Variants in HAT1 observed in about 807,000 individuals in gnomAD.
HAT1 encodes histone acetyltransferase 1, also known as histone acetyltransferase type B catalytic subunit.
In HAT1, 20 loss-of-function variants were observed where a neutral mutation model predicts 56.6. The observed-to-expected ratio is 0.35, with a 90% confidence interval of 0.25 to 0.51. HAT1 has a LOEUF of 0.51. HAT1 is among the 20% of genes least tolerant of loss of function. HAT1 has a pLI of 0.95. For missense variants in HAT1, 408 were observed against 504.3 expected, an observed-to-expected ratio of 0.81 and a Z score of 1.83; for synonymous variants, 146 against 165.5, an observed-to-expected ratio of 0.88 and a Z score of 0.91.
intron 4 of HAT1, among the ~76,000 whole-genome samples, chr2:171,961,709 G>A (rs1239142117): frequency 1.1e-4 from 16 of 152,136 alleles, no homozygotes; most frequent in Admixed American, 1.0e-3. Flanking sequence ...AGTTTATCTT[G>A]TTTAGTTCAA....
chr2:171,953,084 C>G (rs1007520896), intron 4 of HAT1, 83 bp downstream of exon 4: 1 of 817,916 alleles, frequency 1.2e-6, no homozygotes, highest in Non-Finnish European at 1.8e-6. Context: ...GTGGCTCACA[C>G]CTGTAACCCC....
At chr2:171,971,428 C>T (rs1399535527) in intron 8 of HAT1, among the ~76,000 whole-genome samples, 3 of 152,154 alleles carry the variant, frequency 2.0e-5, no homozygotes, top group Non-Finnish European at 4.4e-5. Context: ...TCCCTACACC[C>T]GACGTCCATT....
chr2:171,943,279 C>T (rs552804342), intron 2 of HAT1, among the ~76,000 whole-genome samples: 5 of 150,252 alleles, frequency 3.3e-5, no homozygotes, highest in East Asian at 2.0e-4. Flanking sequence ...TTTTGGGTGG[C>T]GGGTGCCTGT....
intron 2 of HAT1, among the ~76,000 whole-genome samples, chr2:171,927,348 T>G (rs550178010): frequency 6.6e-6 from 1 of 152,348 alleles, no homozygotes; most frequent in South Asian, 2.1e-4. Context: ...AATATGGAGT[T>G]AAATATCAGT....
At chr2:171,930,099 A>AT (rs1686702187) in intron 2 of HAT1, among the ~76,000 whole-genome samples, 1 of 152,130 alleles carries the variant, frequency 6.6e-6, no homozygotes, top group South Asian at 2.1e-4. Context: ...TCTTGCATGT[A>AT]TTTTGTTAAA....
At chr2:171,927,705 A>G (rs967085470) in intron 2 of HAT1, among the ~76,000 whole-genome samples, 2 of 152,180 alleles carry the variant, frequency 1.3e-5, no homozygotes, top group Non-Finnish European at 2.9e-5. Context: ...CTTGTGCCTC[A>G]GCCTCCGTAG....
chr2:171,955,382 C>T (rs976072917), intron 4 of HAT1, among the ~76,000 whole-genome samples: 3 of 152,104 alleles, frequency 2.0e-5, no homozygotes, highest in South Asian at 2.1e-4. Context: ...AAGGCCAAGG[C>T]GGGAGGATCA....
chr2:171,935,704 C>G (rs1413178076), intron 2 of HAT1, among the ~76,000 whole-genome samples: 3 of 151,510 alleles, frequency 2.0e-5, no homozygotes, highest in Admixed American at 6.6e-5. Flanking sequence ...TAGGGAGACC[C>G]CATTTCTACA....
chr2:171,977,543 ATATATATATATATATTTTTTTTTT>A (rs1688010337), intron 9 of HAT1, among the ~76,000 whole-genome samples: 1 of 13,846 alleles, frequency 7.2e-5, no homozygotes, highest in Non-Finnish European at 1.3e-4. Context: ...ATATATATAT[ATATATATATATATATTTTTTTTTT>A]TTTTTTTTTT....
At chr2:171,935,492 G>A (rs1412437559) in intron 2 of HAT1, among the ~76,000 whole-genome samples, 1 of 116,004 alleles carries the variant, frequency 8.6e-6, no homozygotes, top group Non-Finnish European at 1.6e-5. Flanking sequence ...TCCAGCCTGG[G>A]CAACAAGAGC....
chr2:171,936,136 A>G (rs1686868175), intron 2 of HAT1, among the ~76,000 whole-genome samples: 1 of 152,182 alleles, frequency 6.6e-6, no homozygotes, highest in East Asian at 1.9e-4. Context: ...AGTTACCAAG[A>G]TTTAAGTCAG....
chr2:171,973,011 CT>C (rs1407951625), intron 8 of HAT1, among the ~76,000 whole-genome samples: 5 of 152,156 alleles, frequency 3.3e-5, no homozygotes, highest in Admixed American at 6.5e-5. Context: ...TGTCAATGAG[CT>C]GTTCTGTGCC....
At chr2:171,940,400 T>C (rs939612833) in intron 2 of HAT1, among the ~76,000 whole-genome samples, 1 of 152,198 alleles carries the variant, frequency 6.6e-6, no homozygotes, top group African/African-American at 2.4e-5. Context: ...GCTATTTCAT[T>C]AGTTCTTCTA....
Position 171,931,427 on chromosome 2 carries a change from C to T in HAT1, c.112+5786C>T, listed in dbSNP as rs149817213. Among the ~76,000 whole-genome samples the T allele has an allele frequency of 1.5e-3, 225 of 151,650 alleles. 1 individual carries two copies. The highest frequency in any genetic ancestry group is 5.2e-3 in the African/African-American group (213 of 41,338). On this transcript the variant is annotated intron_variant, in intron 2 of 10. Transcript: ENST00000264108. ...CCATATAGCCGGGCATGGTGGCTCA[C>T]GCCTGTAATACCAGCACTTTGGGAG... is the stretch of plus-strand genomic sequence containing the variant.
At chr2:171,966,971 A>G (rs370660433) in intron 8 of HAT1, 22 bp downstream of exon 8, 76 of 997,356 alleles carry the variant, frequency 7.6e-5, no homozygotes, top group Non-Finnish European at 1.1e-4. Context: ...TTGATTTGTT[A>G]CTGAAAGAGC....
intron 2 of HAT1, among the ~76,000 whole-genome samples, chr2:171,932,510 A>G (rs751928703): frequency 3.9e-5 from 6 of 152,010 alleles, no homozygotes; most frequent in Non-Finnish European, 8.8e-5. Flanking sequence ...CTTTTAAAGT[A>G]TTTCTCTATT....
rs749131771 is a variant in HAT1, at chr2:171,946,759, A to T, written c.164A>T (p.Tyr55Phe). The T allele has an allele frequency of 6.4e-7, 1 of 1,566,080 alleles. No individual in the cohort carries two copies. The highest frequency in any genetic ancestry group is 1.2e-5 in the South Asian group (1 of 86,852). The change falls in exon 3 of 11, where the codon TAT (tyrosine) becomes TTT (phenylalanine). Residue 55 changes from tyrosine (Y) to phenylalanine (F), a missense_variant. By Grantham distance (22) the Tyr-to-Phe change is conservative (BLOSUM62 3). Transcript: ENST00000264108. ...ENDIRTFFPE[Y>F]THQLFGDDET... ...GACATTAGAACTTTCTTTCCTGAGT[A>T]TACCCATCAACTCTTTGGGGATGAG...
At chr2:171,955,345 C>T (rs1644262302) in intron 4 of HAT1, among the ~76,000 whole-genome samples, 2 of 152,306 alleles carry the variant, frequency 1.3e-5, no homozygotes, top group Middle Eastern at 3.4e-3. Flanking sequence ...GGCGCAGTGG[C>T]TCATGCCTGT....
intron 2 of HAT1, among the ~76,000 whole-genome samples, chr2:171,945,497 A>AC (rs1472662493): frequency 8.9e-6 from 1 of 111,952 alleles, no homozygotes; most frequent in Non-Finnish European, 1.8e-5. Flanking sequence ...AGCTATCTAT[A>AC]ATTTTTTTTT....
Sources: gnomAD v4.1 joint callset for allele counts (sites outside exome capture counted in the v4.1 genomes callset) on GRCh38, gnomAD v4.1.1 for gene constraint, MANE v1.5 for transcripts, NCBI Gene and HGNC (gene_info 2026-07-23, HGNC 2026-07-21) for gene names.